Variants in UAP1 observed in about 807,000 individuals in gnomAD.
UAP1 encodes the protein UDP-N-acetylhexosamine pyrophosphorylase.
In UAP1, 25 loss-of-function variants were observed where a neutral mutation model predicts 58.5. That is an observed-to-expected ratio of 0.43 (90% confidence interval 0.31 to 0.60). The LOEUF (loss-of-function observed/expected upper bound fraction) is 0.60, where lower values mean the gene tolerates loss of function less well. Ranked by LOEUF, UAP1 falls within the 20% of genes least tolerant of loss-of-function variation. The pLI is 0.11. For missense variants in UAP1, 575 were observed against 630.0 expected (o/e 0.91, Z 0.93); for synonymous variants, 208 against 213.0 (o/e 0.98, Z 0.21).
exon 7 of UAP1, chr1:162,588,810 C>G: frequency 6.2e-7 from 1 of 1,611,688 alleles, no homozygotes; most frequent in Non-Finnish European, 8.5e-7. Flanking sequence ...AAAAATTTGT[C>G]TTTGACATCT....
At chr1:162,577,151 AT>A (rs760526068) in intron 3 of UAP1, among the ~76,000 whole-genome samples, 170 bp downstream of exon 3, 83 of 152,252 alleles carry the variant, frequency 5.5e-4, no homozygotes, top group Admixed American at 1.3e-3. Flanking sequence ...TGCTTGATAG[AT>A]GACCACTATT....
At chr1:162,589,212 T>TATTAC (rs1655139993) in intron 7 of UAP1, among the ~76,000 whole-genome samples, 2 of 121,104 alleles carry the variant, frequency 1.7e-5, no homozygotes, top group East Asian at 2.1e-4. Context: ...TATTTAAATA[T>TATTAC]ATATAATATT....
chr1:162,595,319 C>A (rs1655553480), intron 9 of UAP1, among the ~76,000 whole-genome samples: 1 of 152,120 alleles, frequency 6.6e-6, no homozygotes, highest in Non-Finnish European at 1.5e-5. Flanking sequence ...GGTTCACAAC[C>A]ACCTTCTGTT....
At chr1:162,587,493 C>A (rs1452504229) in exon 6 of UAP1, 1 of 1,605,894 alleles carries the variant, frequency 6.2e-7, no homozygotes, top group Non-Finnish European at 8.5e-7. Context: ...GAAAACGAAC[C>A]CTACAGAACC....
Position 162,563,468 on chromosome 1 carries a change from G to C in UAP1, c.-58+1691G>C, listed in dbSNP as rs556357425. Among the ~76,000 whole-genome samples the C allele has an allele frequency of 2.1e-4, 32 of 152,098 alleles. No homozygotes were observed. In the East Asian group the frequency reaches 6.2e-3, roughly 29 times the overall value. On this transcript the variant is annotated intron_variant, in intron 1 of 10. Transcript: ENST00000271469. The stretch of plus-strand genomic sequence containing the variant: ...CAACCTCCGCCTCCCCGGTTCAGGC[G>C]ATTCTCCTGCCTCAGCCTCCTGAGT...
intron 3 of UAP1, among the ~76,000 whole-genome samples, chr1:162,578,526 T>C (rs1654354092): frequency 1.3e-5 from 2 of 152,228 alleles, no homozygotes; most frequent in South Asian, 4.1e-4. Flanking sequence ...ATCTGTGTTC[T>C]AAGTGGCCAA....
intron 5 of UAP1, among the ~76,000 whole-genome samples, chr1:162,582,289 T>C (rs1654638616): frequency 6.6e-6 from 1 of 151,986 alleles, no homozygotes; most frequent in Non-Finnish European, 1.5e-5. Flanking sequence ...AGAATAAACA[T>C]GTAAAGGTGG....
At chr1:162,580,152 C>T (rs1363093603) in intron 4 of UAP1, among the ~76,000 whole-genome samples, 1 of 152,180 alleles carries the variant, frequency 6.6e-6, no homozygotes, top group African/African-American at 2.4e-5. Flanking sequence ...CAGCCGTGAG[C>T]CACCGCGCCC....
intron 2 of UAP1, among the ~76,000 whole-genome samples, chr1:162,567,622 G>A (rs1215311564): frequency 6.6e-6 from 1 of 152,024 alleles, no homozygotes; most frequent in African/African-American, 2.4e-5. Flanking sequence ...TCAAATCTGG[G>A]CCTCATTTTC....
At chr1:162,591,806 A>G (rs903254643) in intron 8 of UAP1, among the ~76,000 whole-genome samples, 2 of 141,836 alleles carry the variant, frequency 1.4e-5, no homozygotes, top group Non-Finnish European at 3.1e-5. Flanking sequence ...TTTTTTTAAG[A>G]CAAGGTCTTG....
At chr1:162,590,255 A>G (rs1044234840) in intron 7 of UAP1, 68 bp from the exon 8 acceptor site, 10 of 1,283,570 alleles carry the variant, frequency 7.8e-6, no homozygotes, top group African/African-American at 7.5e-5. Context: ...AGCCTTAGCT[A>G]TGTTAAAGGG....
At chr1:162,578,865 T>C (rs764780303) in intron 3 of UAP1, among the ~76,000 whole-genome samples, 4 of 152,226 alleles carry the variant, frequency 2.6e-5, no homozygotes, top group African/African-American at 4.8e-5. Context: ...GTTTACATTC[T>C]AGTAAGGGCA....
intron 1 of UAP1, among the ~76,000 whole-genome samples, chr1:162,564,116 A>G (rs191767915): frequency 2.0e-5 from 3 of 152,314 alleles, no homozygotes; most frequent in Non-Finnish European, 4.4e-5. Flanking sequence ...TTTAAAATTA[A>G]AAAATAATAG....
In UAP1 at chr1:162,599,289, G is replaced by A. The variant is rs751834614; in HGVS notation, c.1495G>A (p.Ala499Thr). The change falls in exon 11 of 11, where the codon GCA becomes ACA. Residue 499 changes from alanine (A) to threonine (T), a missense_variant. Coordinates refer to ENST00000271469, the Ensembl canonical transcript of UAP1. ...TTTTTAGGGATTAGAAAGTTATGTG[G>A]CAGATAAAGAATTCCATGCACCTCT... 1.9e-6 allele frequency: 3 copies of A among 1,611,710 alleles called. No homozygotes were observed. The Admixed American group carries it at 5.0e-5, about 27-fold the overall frequency.
intron 1 of UAP1, among the ~76,000 whole-genome samples, chr1:162,562,809 T>G (rs1448993886): frequency 6.6e-6 from 1 of 152,176 alleles, no homozygotes; most frequent in Non-Finnish European, 1.5e-5. Context: ...ATGTCTCAAC[T>G]CTGATACTGT....
At chr1:162,566,680 G>T (rs1024058950) in intron 2 of UAP1, among the ~76,000 whole-genome samples, 1 of 151,692 alleles carries the variant, frequency 6.6e-6, no homozygotes, top group Non-Finnish European at 1.5e-5. Flanking sequence ...AGGCTGGAGT[G>T]CAGTGGGGCG....
At chr1:162,579,451 C>T in exon 4 of UAP1, 1 of 1,589,928 alleles carries the variant, frequency 6.3e-7, no homozygotes, top group African/African-American at 1.3e-5. Flanking sequence ...AGTGGCAGAA[C>T]AATGGAATCT....
At chr1:162,587,744 A>G in intron 6 of UAP1, 76 bp downstream of exon 6, 3 of 1,403,760 alleles carry the variant, frequency 2.1e-6, no homozygotes, top group Non-Finnish European at 3.0e-6. Flanking sequence ...AGGGATGCAG[A>G]CACCCCAAGT....
chr1:162,577,302 C>T (rs1272129046), intron 3 of UAP1, among the ~76,000 whole-genome samples: 1 of 151,962 alleles, frequency 6.6e-6, no homozygotes, highest in Non-Finnish European at 1.5e-5. Context: ...CCATGCGCCT[C>T]TTCCGCATAC....
Sources: gnomAD v4.1 joint callset for allele counts (sites outside exome capture counted in the v4.1 genomes callset) on GRCh38, gnomAD v4.1.1 for gene constraint, MANE v1.5 for transcripts, NCBI Gene and HGNC (gene_info 2026-07-23, HGNC 2026-07-21) for gene names.